Variants in COL8A1 observed in about 807,000 individuals in gnomAD.
The protein encoded by COL8A1 is collagen alpha-1(VIII) chain.
A neutral mutation model predicts 42.7 loss-of-function variants in COL8A1; 21 were observed. The ratio of observed to expected loss-of-function variants is 0.49; its 90% confidence interval spans 0.35 to 0.71. COL8A1 has a LOEUF of 0.71. COL8A1 is among the 30% of genes least tolerant of loss of function. The pLI is 0.01. For missense variants in COL8A1, 788 were observed against 962.4 expected, an observed-to-expected ratio of 0.82 and a Z score of 2.40; for synonymous variants, 367 against 369.1, an observed-to-expected ratio of 0.99 and a Z score of 0.06.
intron 2 of COL8A1, among the ~76,000 whole-genome samples, chr3:99,751,909 C>T (rs1038012508): frequency 6.6e-6 from 1 of 152,154 alleles, no homozygotes; most frequent in Admixed American, 6.5e-5. Flanking sequence ...AGACACAATT[C>T]TTCTATTATC....
At chr3:99,725,370 A>G (rs928919528) in intron 1 of COL8A1, among the ~76,000 whole-genome samples, 2 of 151,984 alleles carry the variant, frequency 1.3e-5, no homozygotes, top group African/African-American at 4.8e-5. Context: ...AGCACATCAT[A>G]AAGTGTTTTG....
intron 1 of COL8A1, among the ~76,000 whole-genome samples, chr3:99,722,538 G>A (rs1269262877): frequency 2.0e-5 from 3 of 152,094 alleles, no homozygotes; most frequent in Non-Finnish European, 4.4e-5. Flanking sequence ...AGAAATCAGT[G>A]ATAATGTGAC....
intron 1 of COL8A1, among the ~76,000 whole-genome samples, chr3:99,718,519 C>T (rs1161117855): frequency 1.3e-5 from 2 of 152,028 alleles, no homozygotes; most frequent in African/African-American, 4.8e-5. Flanking sequence ...CAGGGAAGGA[C>T]AGAAGATAGG....
chr3:99,666,174 T>C (rs925070454), intron 1 of COL8A1, among the ~76,000 whole-genome samples: 1 of 152,212 alleles, frequency 6.6e-6, no homozygotes, highest in Non-Finnish European at 1.5e-5. Context: ...GGTTCTTGGC[T>C]GCATGGCTTC....
chr3:99,738,211 T>G (rs1940790184), intron 1 of COL8A1, among the ~76,000 whole-genome samples: 1 of 152,250 alleles, frequency 6.6e-6, no homozygotes, highest in African/African-American at 2.4e-5. Flanking sequence ...ATCTGAAGCC[T>G]TCTTCTCTCA....
intron 1 of COL8A1, among the ~76,000 whole-genome samples, chr3:99,669,146 T>TATATATATATATATATAGATATATAGAG: frequency 8.7e-6 from 1 of 115,364 alleles, no homozygotes; most frequent in African/African-American, 3.0e-5. Flanking sequence ...TATATATATA[T>TATATATATATATATATAGATATATAGAG]AGAGGGAGAG....
At chr3:99,781,690 T>C (rs1017511547) in intron 2 of COL8A1, among the ~76,000 whole-genome samples, 13 of 152,200 alleles carry the variant, frequency 8.5e-5, no homozygotes, top group Admixed American at 7.9e-4. Flanking sequence ...TACTAGTGCA[T>C]GTACTAGCAC....
chr3:99,795,590 C>A lies in COL8A1; in HGVS notation c.1689C>A (p.Gly563=), dbSNP rs923788839. The A allele has an allele frequency of 2.5e-6, 4 of 1,610,950 alleles. No individual in the cohort carries two copies. The Admixed American group carries it at 5.0e-5, about 20-fold the overall frequency. Residue 563 remains glycine (G), a synonymous_variant, in exon 4 of 4, where the codon GGC becomes GGA. Transcript: ENST00000652472. The part of the protein sequence containing the change: ...QGQPGLPGPP[G]PPGPPGPPAV... Reference sequence around the variant, plus strand: ...AGCCTGGCCTTCCAGGACCCCCAGGCCCTCCAGGACCTCCAGGACCCCCAG... The same window carrying A: ...AGCCTGGCCTTCCAGGACCCCCAGGACCTCCAGGACCTCCAGGACCCCCAG...
chr3:99,665,750 C>T (rs1262423009), intron 1 of COL8A1, among the ~76,000 whole-genome samples: 4 of 143,466 alleles, frequency 2.8e-5, no homozygotes, highest in Non-Finnish European at 6.0e-5. Context: ...GGCACAATCT[C>T]GGCTCACTGC....
chr3:99,773,357 GGCA>G (rs1306844993), intron 2 of COL8A1, among the ~76,000 whole-genome samples: 1 of 152,046 alleles, frequency 6.6e-6, no homozygotes, highest in Non-Finnish European at 1.5e-5. Context: ...TAAGGGGAAT[GGCA>G]GCCAAGAGTG....
At chr3:99,746,070 C>T (rs1941019271) in intron 2 of COL8A1, among the ~76,000 whole-genome samples, 1 of 152,046 alleles carries the variant, frequency 6.6e-6, no homozygotes, top group African/African-American at 2.4e-5. Flanking sequence ...CTTTTTGGGA[C>T]AGGGTGGACA....
chr3:99,716,975 T>A (rs926697280), intron 1 of COL8A1, among the ~76,000 whole-genome samples: 1 of 151,986 alleles, frequency 6.6e-6, no homozygotes, highest in East Asian at 1.9e-4. Context: ...CAGCTTCATA[T>A]GGAATCAAGG....
intron 2 of COL8A1, among the ~76,000 whole-genome samples, chr3:99,770,369 A>G (rs1941555350): frequency 6.6e-6 from 1 of 152,176 alleles, no homozygotes; most frequent in African/African-American, 2.4e-5. Context: ...ATGCCAAGGT[A>G]TCATATTGTA....
At chr3:99,735,986 T>A (rs1940700201) in intron 1 of COL8A1, among the ~76,000 whole-genome samples, 1 of 152,056 alleles carries the variant, frequency 6.6e-6, no homozygotes, top group African/African-American at 2.4e-5. Context: ...TTCTGTGGGA[T>A]TGGTGGTGAT....
Position 99,722,829 on chromosome 3 carries a change from C to T in COL8A1, c.-128-22068C>T, listed in dbSNP as rs1326800490. The stretch of plus-strand genomic sequence containing the variant: ...AGGAAGCATAAACTATAAATTCCAA[C>T]ATTCTTATAGACTATTATGATTTAA... On this transcript the variant is annotated intron_variant, in intron 1 of 3. Transcript: ENST00000652472. Among the ~76,000 whole-genome samples the T allele has an allele frequency of 2.6e-5, 4 of 152,058 alleles. No homozygotes were observed. In the East Asian group the frequency reaches 7.7e-4, roughly 29 times the overall value.
intron 1 of COL8A1, among the ~76,000 whole-genome samples, chr3:99,661,813 C>T (rs776320240): frequency 2.5e-4 from 38 of 152,188 alleles, no homozygotes; most frequent in Admixed American, 1.6e-3. Context: ...AATTGTAACA[C>T]GTGCTACAAC....
chr3:99,729,008 G>T (rs1331507873), intron 1 of COL8A1, among the ~76,000 whole-genome samples: 2 of 151,814 alleles, frequency 1.3e-5, no homozygotes, highest in African/African-American at 2.4e-5. Flanking sequence ...CTGACTGAAG[G>T]TTCATCCAGT....
intron 1 of COL8A1, among the ~76,000 whole-genome samples, chr3:99,701,444 G>A (rs561699002): frequency 3.9e-5 from 6 of 152,282 alleles, no homozygotes; most frequent in African/African-American, 1.2e-4. Flanking sequence ...AGAGAGGCAT[G>A]TCCTTTGGCA....
intron 1 of COL8A1, among the ~76,000 whole-genome samples, chr3:99,675,419 C>A (rs1938664004): frequency 6.6e-6 from 1 of 151,972 alleles, no homozygotes; most frequent in Non-Finnish European, 1.5e-5. Flanking sequence ...GTTATGAGCG[C>A]CAGTGATGCA....
Sources: allele counts gnomAD v4.1 joint callset (sites outside exome capture counted in the v4.1 genomes callset), GRCh38; gene constraint gnomAD v4.1.1; transcripts MANE v1.5; gene names NCBI Gene and HGNC (gene_info 2026-07-23, HGNC 2026-07-21).